Variants in GRM1 observed in about 807,000 individuals in gnomAD.
GRM1 encodes metabotropic glutamate receptor 1.
GRM1 carries 33 observed loss-of-function variants against 90.9 expected under a neutral mutation model. That is an observed-to-expected ratio of 0.36 (90% CI 0.28 to 0.49). GRM1 has a LOEUF of 0.49. Ranked by LOEUF, GRM1 falls within the 20% of genes least tolerant of loss-of-function variation. The pLI is 0.99. For missense variants in GRM1, 1,190 were observed against 1,534.3 expected (o/e 0.78, Z 3.75); for synonymous variants, 700 against 613.2 (o/e 1.14, Z -2.09).
intron 2 of GRM1, among the ~76,000 whole-genome samples, chr6:146,272,780 G>A (rs968089215): frequency 2.0e-5 from 3 of 152,222 alleles, no homozygotes; most frequent in Admixed American, 6.5e-5. Flanking sequence ...AATCCTGTTT[G>A]GGAAATCAGC....
intron 2 of GRM1, among the ~76,000 whole-genome samples, chr6:146,216,405 G>C (rs1779872726): frequency 6.6e-6 from 1 of 152,086 alleles, no homozygotes; most frequent in Non-Finnish European, 1.5e-5. Flanking sequence ...AAACATAGTA[G>C]ACTTCTGCTT....
intron 3 of GRM1, among the ~76,000 whole-genome samples, chr6:146,314,904 A>G (rs1783913636): frequency 6.6e-6 from 1 of 152,132 alleles, no homozygotes; most frequent in Non-Finnish European, 1.5e-5. Flanking sequence ...TTTCCTGAGT[A>G]TGTTCCCTAG....
At chr6:146,168,384 C>T (rs1777985890) in intron 2 of GRM1, among the ~76,000 whole-genome samples, 1 of 151,702 alleles carries the variant, frequency 6.6e-6, no homozygotes, top group South Asian at 2.1e-4. Context: ...TTCTATTTCT[C>T]CCTGACTTTT....
intron 1 of GRM1, among the ~76,000 whole-genome samples, chr6:146,115,876 T>A (rs1205948919): frequency 6.6e-6 from 1 of 152,178 alleles, no homozygotes; most frequent in Non-Finnish European, 1.5e-5. Context: ...TGACATTGAT[T>A]TTCCTTTGAT....
intron 5 of GRM1, among the ~76,000 whole-genome samples, chr6:146,360,656 C>T (rs908251548): frequency 1.1e-4 from 16 of 152,136 alleles, no homozygotes; most frequent in African/African-American, 3.9e-4. Context: ...TTCTCTTCTG[C>T]CTCCCATTAG....
At chr6:146,305,900 G>T (rs2114929080) in intron 3 of GRM1, among the ~76,000 whole-genome samples, 1 of 152,302 alleles carries the variant, frequency 6.6e-6, no homozygotes, top group African/African-American at 2.4e-5. Context: ...TCACATACAT[G>T]AAATAGACAA....
intron 3 of GRM1, among the ~76,000 whole-genome samples, chr6:146,319,267 A>G (rs751028054): frequency 6.6e-6 from 1 of 152,194 alleles, no homozygotes; most frequent in African/African-American, 2.4e-5. Flanking sequence ...GTCAAAGATC[A>G]GATGGTTGTA....
intron 2 of GRM1, among the ~76,000 whole-genome samples, chr6:146,282,644 A>G (rs1782614182): frequency 6.6e-6 from 1 of 152,198 alleles, no homozygotes; most frequent in Non-Finnish European, 1.5e-5. Context: ...ATGCTATTCT[A>G]GGCCAGAGTG....
intron 2 of GRM1, among the ~76,000 whole-genome samples, chr6:146,203,150 C>T (rs1326809533): frequency 6.6e-6 from 1 of 151,122 alleles, no homozygotes. Context: ...GCCAAGATAG[C>T]GCCACATCAC....
intron 1 of GRM1, among the ~76,000 whole-genome samples, chr6:146,084,688 T>C (rs1462981791): frequency 6.6e-6 from 1 of 152,210 alleles, no homozygotes; most frequent in Non-Finnish European, 1.5e-5. Context: ...AAGTGCCATA[T>C]GGCACTGGGA....
Position 146,435,264 on chromosome 6 carries a change from G to C in GRM1, c.*468G>C. 3.4e-6 allele frequency: 1 copy of C among 295,830 alleles called. No individual in the cohort carries two copies. The allele number at this position is 295,830 out of a possible 1,614,324, so 18.3% of individuals were successfully genotyped here. A position where few individuals can be genotyped will look rare whatever the true frequency, so the allele number is the denominator to read the frequency against. Reference sequence around the variant, plus strand: ...CGGAGTGAGCTGGTGGAGCCAGACAGAGCAGGTGCGGGGAAGGGAAGGGCC... The same window carrying C: ...CGGAGTGAGCTGGTGGAGCCAGACACAGCAGGTGCGGGGAAGGGAAGGGCC... On this transcript the variant is annotated 3_prime_UTR_variant, in exon 8 of 8. Transcript: ENST00000282753.
In GRM1 at chr6:146,339,708, G is replaced by A. The variant is rs553883510; in HGVS notation, c.1187-12542G>A. On this transcript the variant is annotated intron_variant, in intron 3 of 7. Transcript: ENST00000282753. ...TACTGCATGAAAATAAGCAAAGTGC[G>A]CTGATATCACAGAGTCTACTCTGAC... Among the ~76,000 whole-genome samples, 12 of 152,274 alleles carry A rather than the reference G, an allele frequency of 7.9e-5. No homozygotes were observed. The South Asian group carries it at 8.3e-4, about 11-fold the overall frequency.
chr6:146,247,365 G>C (rs1001443074), intron 2 of GRM1, among the ~76,000 whole-genome samples: 16 of 152,204 alleles, frequency 1.1e-4, no homozygotes, highest in African/African-American at 3.4e-4. Flanking sequence ...TACAAGGAGC[G>C]GGGAGGCAGC....
At chr6:146,152,042 C>T (rs953248891) in intron 1 of GRM1, among the ~76,000 whole-genome samples, 2 of 152,122 alleles carry the variant, frequency 1.3e-5, no homozygotes, top group African/African-American at 4.8e-5. Flanking sequence ...TTCCCTTTCT[C>T]TTGTACTCTC....
chr6:146,030,917 A>C (rs1418452949), intron 1 of GRM1, among the ~76,000 whole-genome samples: 3 of 152,206 alleles, frequency 2.0e-5, no homozygotes, highest in Non-Finnish European at 2.9e-5. Flanking sequence ...GAGAAATAAC[A>C]CTGGTGACCA....
chr6:146,219,146 C>A (rs1779971975), intron 2 of GRM1, among the ~76,000 whole-genome samples: 1 of 152,070 alleles, frequency 6.6e-6, no homozygotes, highest in African/African-American at 2.4e-5. Context: ...AGTACATCTG[C>A]CTTAAGAAAT....
intron 1 of GRM1, among the ~76,000 whole-genome samples, chr6:146,118,437 C>T (rs975035867): frequency 7.9e-5 from 12 of 152,058 alleles, no homozygotes; most frequent in Middle Eastern, 3.2e-3. Context: ...CTGTGCCCGG[C>T]CTATTTATTT....
chr6:146,252,655 G>A (rs997952339), intron 2 of GRM1, among the ~76,000 whole-genome samples: 2 of 152,120 alleles, frequency 1.3e-5, no homozygotes, highest in African/African-American at 4.8e-5. Context: ...TAGAGTTTTA[G>A]AGTTTTCCAG....
intron 1 of GRM1, among the ~76,000 whole-genome samples, chr6:146,091,820 C>T (rs1426251558): frequency 1.3e-5 from 2 of 151,964 alleles, no homozygotes; most frequent in Non-Finnish European, 2.9e-5. Context: ...AACAAAAATT[C>T]AGATTAATTG....
Sources: allele counts gnomAD v4.1 joint callset (sites outside exome capture counted in the v4.1 genomes callset), GRCh38; gene constraint gnomAD v4.1.1; transcripts MANE v1.5; gene names NCBI Gene and HGNC (gene_info 2026-07-23, HGNC 2026-07-21).